CBLN2: variants seen among roughly 807,000 people sequenced by gnomAD.
CBLN2 encodes the protein cerebellin-2.
CBLN2 carries 7 observed loss-of-function variants against 15.0 expected under a neutral mutation model. That is an observed-to-expected ratio of 0.47 (90% CI 0.27 to 0.88). CBLN2 has a LOEUF of 0.88. Ranked by LOEUF, CBLN2 falls within the 40% of genes least tolerant of loss-of-function variation. The pLI is 0.14. For missense variants in CBLN2, 242 were observed against 304.5 expected (o/e 0.79, Z 1.53); for synonymous variants, 149 against 135.2 (o/e 1.10, Z -0.71).
intron 1 of CBLN2, among the ~76,000 whole-genome samples, chr18:72,557,767 C>T (rs886532024): frequency 7.9e-5 from 12 of 151,920 alleles, no homozygotes; most frequent in Admixed American, 2.0e-4. Flanking sequence ...AGGTGGGGTG[C>T]GGGGAGAGAG....
intron 1 of CBLN2, among the ~76,000 whole-genome samples, chr18:72,595,212 T>C (rs1452640350): frequency 6.6e-6 from 1 of 152,022 alleles, no homozygotes; most frequent in Non-Finnish European, 1.5e-5. Context: ...TATCCCAAGG[T>C]TTTGGTGCAT....
chr18:72,584,312 CT>C (rs1223249936), intron 1 of CBLN2, among the ~76,000 whole-genome samples: 2,421 of 144,698 alleles, frequency 0.017, 48 homozygotes, highest in African/African-American at 0.051. Flanking sequence ...ATTACCAATC[CT>C]TTTTTTTTTT....
intron 1 of CBLN2, among the ~76,000 whole-genome samples, chr18:72,597,862 T>C (rs2069523327): frequency 2.6e-5 from 4 of 152,170 alleles, no homozygotes; most frequent in Admixed American, 1.3e-4. Context: ...CTGTCATCAA[T>C]GTTCAGTCAA....
chr18:72,552,098 CTT>C (rs531266914), intron 1 of CBLN2, among the ~76,000 whole-genome samples: 15 of 141,920 alleles, frequency 1.1e-4, no homozygotes, highest in Admixed American at 2.8e-4. Flanking sequence ...GAGCAAGATA[CTT>C]TTTTTTTTTT....
intron 1 of CBLN2, among the ~76,000 whole-genome samples, chr18:72,574,730 C>A (rs574320947): frequency 6.6e-6 from 1 of 152,140 alleles, no homozygotes; most frequent in East Asian, 1.9e-4. Context: ...AAATAGAGAA[C>A]AAAAATGGGA....
chr18:72,578,691 C>T (rs625050), intron 1 of CBLN2, among the ~76,000 whole-genome samples: 54,769 of 152,002 alleles, frequency 0.36, 12,564 homozygotes, highest in African/African-American at 0.63. Flanking sequence ...CTATTTACTA[C>T]GCAGTAATGT....
At chr18:72,632,897 G>A (rs1180392312) in intron 1 of CBLN2, among the ~76,000 whole-genome samples, 3 of 152,246 alleles carry the variant, frequency 2.0e-5, no homozygotes, top group Non-Finnish European at 2.9e-5. Flanking sequence ...TTGCAGGCAG[G>A]TCCCACACCC....
intron 3 of CBLN2, chr18:72,539,837 A>G (rs1457971278): frequency 6.6e-6 from 1 of 152,224 alleles, no homozygotes; most frequent in African/African-American, 2.4e-5. Context: ...ACAGCCAACA[A>G]CAACATCAAA....
intron 1 of CBLN2, among the ~76,000 whole-genome samples, chr18:72,634,131 C>A (rs772783326): frequency 6.6e-6 from 1 of 151,970 alleles, no homozygotes; most frequent in African/African-American, 2.4e-5. Flanking sequence ...ATGGCATGCA[C>A]AATAAAGGTT....
chr18:72,594,301 G>A (rs2069499236), intron 1 of CBLN2, among the ~76,000 whole-genome samples: 1 of 152,056 alleles, frequency 6.6e-6, no homozygotes, highest in Non-Finnish European at 1.5e-5. Context: ...AATTGCATGT[G>A]TCAAATCATA....
chr18:72,551,542 G>A (rs1451658028), intron 1 of CBLN2, among the ~76,000 whole-genome samples: 1 of 152,158 alleles, frequency 6.6e-6, no homozygotes, highest in Admixed American at 6.5e-5. Flanking sequence ...AGAAATGGAA[G>A]ATCTACCATC....
chr18:72,560,673 T>C (rs2069254326), intron 1 of CBLN2, among the ~76,000 whole-genome samples: 1 of 152,232 alleles, frequency 6.6e-6, no homozygotes, highest in Non-Finnish European at 1.5e-5. Context: ...TATTCTATGA[T>C]ACATACATAG....
Position 72,542,154 on chromosome 18 carries a change from CCTG to C in CBLN2, c.4_6del (p.Gln2del). On this transcript the variant is annotated inframe_deletion, in exon 3 of 5. Transcript: ENST00000269503. ...AGCCCGAGTGGCCCCCGGCCGGGCGCCTGCATCGGGACTGGTGGGAGGCGGCGC... is the reference window on the plus strand; with the variant it reads ...AGCCCGAGTGGCCCCCGGCCGGGCGCCATCGGGACTGGTGGGAGGCGGCGC... The C allele has an allele frequency of 7.6e-7, 1 of 1,308,682 alleles. No homozygotes were observed. Among genetic ancestry groups the C allele is most frequent in the East Asian group, 3.2e-5 (1 of 31,184 alleles). 81.1% of individuals were successfully genotyped at this position (1,308,682 alleles called of 1,614,324 possible). A position where few individuals can be genotyped will look rare whatever the true frequency, so the allele number is the denominator to read the frequency against.
intron 1 of CBLN2, among the ~76,000 whole-genome samples, chr18:72,614,509 T>G (rs573559305): frequency 2.3e-3 from 351 of 152,186 alleles, no homozygotes; most frequent in Non-Finnish European, 4.5e-3. Context: ...ACAAATTATG[T>G]GGAAAGATTT....
chr18:72,538,560 TCTCCCTCA>T lies in CBLN2; in HGVS notation c.477+85_477+92del. 10 of 1,547,776 alleles carry T rather than the reference TCTCCCTCA, an allele frequency of 6.5e-6. No individual in the cohort carries two copies. The Admixed American group carries it at 1.7e-4, about 27-fold the overall frequency. On this transcript the variant is annotated intron_variant, in intron 4 of 4. Coordinates refer to ENST00000269503, the MANE Select transcript of CBLN2 (RefSeq NM_182511.4). ...ACCCCCTGGACAGACCAGTACCCTGTCTCCCTCAGCCTCAGAGACCAGGTGAAGGGGCC... is the reference window on the plus strand; with the variant it reads ...ACCCCCTGGACAGACCAGTACCCTGTGCCTCAGAGACCAGGTGAAGGGGCC...
chr18:72,552,174 C>T (rs2069195788), intron 1 of CBLN2, among the ~76,000 whole-genome samples: 1 of 151,640 alleles, frequency 6.6e-6, no homozygotes, highest in Non-Finnish European at 1.5e-5. Flanking sequence ...GCAACCTCTG[C>T]CTCCTGGGTT....
intron 1 of CBLN2, among the ~76,000 whole-genome samples, chr18:72,636,759 A>G (rs1242809904): frequency 2.0e-5 from 3 of 152,298 alleles, no homozygotes; most frequent in African/African-American, 7.2e-5. Flanking sequence ...TGGGTTTCTC[A>G]CATGTAGAAT....
Position 72,537,872 on chromosome 18 carries a change from C to T in CBLN2, c.*304G>A, listed in dbSNP as rs2069077454. 17 of 409,628 alleles carry T rather than the reference C, an allele frequency of 4.2e-5. No homozygotes were observed. The highest frequency in any genetic ancestry group is 3.5e-4 in the South Asian group (14 of 39,586). The allele number at this position is 409,628 out of a possible 1,614,324, so 25.4% of individuals were successfully genotyped here. On this transcript the variant is annotated 3_prime_UTR_variant, in exon 5 of 5. Coordinates refer to ENST00000269503, the MANE Select transcript of CBLN2 (RefSeq NM_182511.4). ...CATACAAACAAAAGAGGTCCATGGT[C>T]CCAACAATAAAATCCGATATTGACT...
chr18:72,638,271 C>T (rs1178652371), intron 1 of CBLN2: 2 of 398,444 alleles, frequency 5.0e-6, no homozygotes, highest in Non-Finnish European at 8.8e-6. Flanking sequence ...GGGAGCTGAC[C>T]TTTGCTAGGA....
Sources: gnomAD v4.1 joint callset for allele counts (sites outside exome capture counted in the v4.1 genomes callset) on GRCh38, gnomAD v4.1.1 for gene constraint, MANE v1.5 for transcripts, NCBI Gene and HGNC (gene_info 2026-07-23, HGNC 2026-07-21) for gene names.